The following MAP3K12 variants were observed in gnomAD, a reference collection of about 807,000 sequenced individuals.
MAP3K12 encodes MAPK-upstream kinase.
In MAP3K12, 14 loss-of-function variants were observed where a neutral mutation model predicts 87.5. That is an observed-to-expected ratio of 0.16 (90% CI 0.11 to 0.25). MAP3K12 has a LOEUF of 0.25. Ranked by LOEUF, MAP3K12 falls within the 10% of genes least tolerant of loss-of-function variation. MAP3K12 has a pLI of 1.00. For missense variants in MAP3K12, 802 were observed against 1,140.4 expected, an observed-to-expected ratio of 0.70 and a Z score of 4.27; for synonymous variants, 469 against 452.5, an observed-to-expected ratio of 1.04 and a Z score of -0.46.
At chr12:53,481,608 A>AAAG in intron 13 of MAP3K12, 1 of 332,024 alleles carries the variant, frequency 3.0e-6, no homozygotes, top group Non-Finnish European at 5.6e-6. Flanking sequence ...TCGGCCTCCC[A>AAAG]AAGTTCTGGG....
At position 53,486,415 on chromosome 12, in the gene MAP3K12, C is replaced by T. The variant is rs754231447; in HGVS notation, c.629+24G>A. 4.3e-6 allele frequency: 7 copies of T among 1,612,168 alleles called. No homozygotes were observed. The highest frequency in any genetic ancestry group is 5.9e-6 in the Non-Finnish European group (7 of 1,178,794). ...AGGCCTTAGCATAGTATCCCCAACA[C>T]CCAGCCCCTGCCCTGGACCTCACTT... On this transcript the variant is annotated intron_variant, in intron 3 of 13. Coordinates refer to ENST00000547488, the MANE Select transcript of MAP3K12 (RefSeq NM_001193511.2). This position sits in a 1 kb window ranked among gnomAD's most constrained non-coding sequence, Gnocchi z 4.9.
intron 13 of MAP3K12, chr12:53,481,669 C>G (rs1343771793): frequency 4.7e-6 from 2 of 424,988 alleles, no homozygotes; most frequent in Non-Finnish European, 8.5e-6. Flanking sequence ...TTTATTCCTT[C>G]CAGATTTCAG....
At position 53,479,717 on chromosome 12, in the gene MAP3K12, T is replaced by TA. The variant is rs1942935571; in HGVS notation, c.*1464dup. On this transcript the variant is annotated 3_prime_UTR_variant, in exon 14 of 14. Transcript: ENST00000547488. The stretch of plus-strand genomic sequence containing the variant: ...AATTTTTCTGTTTGTCATGGAAATG[T>TA]AAGAGTGGAATATTAATACATTTCA... 1 of 309,788 alleles carries TA rather than the reference T, an allele frequency of 3.2e-6. No individual in the cohort carries two copies. Among genetic ancestry groups the TA allele is most frequent in the South Asian group, 7.9e-5 (1 of 12,686 alleles). 19.2% of individuals were successfully genotyped at this position (309,788 alleles called of 1,614,324 possible). A position where few individuals can be genotyped will look rare whatever the true frequency, so the allele number is the denominator to read the frequency against.
chr12:53,485,851 C>T (rs1019341667), intron 4 of MAP3K12: 11 of 582,978 alleles, frequency 1.9e-5, no homozygotes, highest in Admixed American at 6.8e-5. Flanking sequence ...CCACTGCATC[C>T]GGCCTGCCTT....
chr12:53,480,436 C>T lies in MAP3K12; in HGVS notation c.*746G>A, dbSNP rs935226368. 6.6e-6 allele frequency: 1 copy of T among 152,522 alleles called. No homozygotes were observed. Among genetic ancestry groups the T allele is most frequent in the African/African-American group, 2.4e-5 (1 of 41,406 alleles). 9.4% of individuals were successfully genotyped at this position (152,522 alleles called of 1,614,324 possible). ...CTCAGATAAAGTCCGGAGCCCAAGGCTTTATCTTAACCATGTATGGTACCC... is the reference window on the plus strand; with the variant it reads ...CTCAGATAAAGTCCGGAGCCCAAGGTTTTATCTTAACCATGTATGGTACCC... On this transcript the variant is annotated 3_prime_UTR_variant, in exon 14 of 14. Transcript: ENST00000547488.
intron 1 of MAP3K12, among the ~76,000 whole-genome samples, chr12:53,494,791 T>G (rs1592723088): frequency 6.6e-6 from 1 of 151,990 alleles, no homozygotes; most frequent in East Asian, 1.9e-4. Context: ...GACTTTGGAG[T>G]CCTAATTCCA....
chr12:53,487,496 C>A, intron 1 of MAP3K12, 68 bp from the exon 2 acceptor site: 1 of 1,470,190 alleles, frequency 6.8e-7, no homozygotes, highest in Non-Finnish European at 9.1e-7. Context: ...GGACACTTAT[C>A]CCAGAGGCAC....
intron 1 of MAP3K12, among the ~76,000 whole-genome samples, chr12:53,490,318 A>C (rs1943364920): frequency 2.0e-5 from 3 of 151,968 alleles, no homozygotes; most frequent in Admixed American, 2.0e-4. Context: ...ACAACAAAAA[A>C]CAGATTGGGC....
chr12:53,483,891 C>T lies in MAP3K12; in HGVS notation c.1358+20G>A. 4.3e-6 allele frequency: 7 copies of T among 1,613,660 alleles called. No individual in the cohort carries two copies. Among genetic ancestry groups the T allele is most frequent in the Non-Finnish European group, 5.1e-6 (6 of 1,179,552 alleles). On this transcript the variant is annotated intron_variant, in intron 8 of 13. Coordinates refer to ENST00000547488, the MANE Select transcript of MAP3K12 (RefSeq NM_001193511.2). ...GTCCTTGCTGTTAGTAAAATCACCT[C>T]CCCAAGCACGGGAACTCACCTGAGC...
chr12:53,498,908 C>CTGTGTGTGTGTGTGTGTGTGTG (rs71068135), intron 1 of MAP3K12, among the ~76,000 whole-genome samples: 1 of 108,438 alleles, frequency 9.2e-6, no homozygotes, highest in African/African-American at 3.8e-5. Flanking sequence ...GTCCAGCCTG[C>CTGTGTGTGTGTGTGTGTGTGTG]TGTGTGTGTG....
chr12:53,484,427 G>A, intron 6 of MAP3K12, 62 bp from the exon 7 acceptor site: 4 of 1,242,904 alleles, frequency 3.2e-6, no homozygotes, highest in South Asian at 1.2e-5. Flanking sequence ...ATAGGAACTG[G>A]AGCATCCTTT....
chr12:53,483,250 C>T, intron 10 of MAP3K12, 61 bp from the exon 11 acceptor site: 1 of 1,558,266 alleles, frequency 6.4e-7, no homozygotes, highest in Non-Finnish European at 8.7e-7. Context: ...AAAGCACTCC[C>T]TAACCTTGGA....
intron 1 of MAP3K12, among the ~76,000 whole-genome samples, chr12:53,498,544 T>C (rs2137243488): frequency 6.6e-6 from 1 of 152,264 alleles, no homozygotes; most frequent in Middle Eastern, 3.4e-3. Context: ...TCCCACTGTC[T>C]ACAGAGCCTT....
At chr12:53,488,183 T>A (rs1156551070) in intron 1 of MAP3K12, among the ~76,000 whole-genome samples, 1 of 152,200 alleles carries the variant, frequency 6.6e-6, no homozygotes, top group Non-Finnish European at 1.5e-5. Flanking sequence ...CCAATGGGGA[T>A]GCAGACACTG....
At position 53,482,736 on chromosome 12, in the gene MAP3K12, A is replaced by G; in HGVS notation, c.2067T>C (p.Asp689=). ...GTTCCCCTTTGGCTCCCCCAGGTGAATCTGGGCTGGTGGAGCCAGGGGCTG... is the reference window on the plus strand; with the variant it reads ...GTTCCCCTTTGGCTCCCCCAGGTGAGTCTGGGCTGGTGGAGCCAGGGGCTG... ...EGSAPGSTSP[D]SPGGAKGEPP... Residue 689 remains aspartate (D), a synonymous_variant, in exon 11 of 14, where the codon GAT becomes GAC. Transcript: ENST00000547488. 1 of 1,613,990 alleles carries G rather than the reference A, an allele frequency of 6.2e-7. No homozygotes were observed. The highest frequency in any genetic ancestry group is 8.5e-7 in the Non-Finnish European group (1 of 1,179,986).
Position 53,482,341 on chromosome 12 carries a change from T to C in MAP3K12, c.2267A>G (p.Glu756Gly), listed in dbSNP as rs1009877460. 1 of 1,613,468 alleles carries C rather than the reference T, an allele frequency of 6.2e-7. No individual in the cohort carries two copies. The highest frequency in any genetic ancestry group is 1.3e-5 in the African/African-American group (1 of 74,762). ...CTCTACTTCACTGTCTACCTCTCCT[T>C]CCTCCTCTTCCGATGAGATGCCACG... is the stretch of plus-strand genomic sequence containing the variant. Reference protein sequence around the residue: ...QKRGISSEEEEGEVDSEVELT... With the variant: ...QKRGISSEEEGGEVDSEVELT... The change falls in exon 12 of 14, where the codon GAA becomes GGA. Residue 756 changes from glutamate (E) to glycine (G), a missense_variant. Coordinates refer to ENST00000547488, the MANE Select transcript of MAP3K12 (RefSeq NM_001193511.2).
At position 53,481,650 on chromosome 12, in the gene MAP3K12, C is replaced by T. The variant is rs535936932; in HGVS notation, c.2580+291G>A. On this transcript the variant is annotated intron_variant, in intron 13 of 13. Coordinates refer to ENST00000547488, the MANE Select transcript of MAP3K12 (RefSeq NM_001193511.2). ...GGCGTGAGTCACCATGCCCAGCCAG[C>T]TTACTGGTTTTATTCCTTCCAGATT... is the stretch of plus-strand genomic sequence containing the variant. 6 of 385,564 alleles carry T rather than the reference C, an allele frequency of 1.6e-5. No individual in the cohort carries two copies. In the Admixed American group the frequency reaches 2.4e-4, roughly 16 times the overall value. 23.9% of individuals were successfully genotyped at this position (385,564 alleles called of 1,614,324 possible).
chr12:53,483,228 A>G (rs550634337), intron 10 of MAP3K12, 39 bp from the exon 11 acceptor site: 1 of 1,535,632 alleles, frequency 6.5e-7, no homozygotes, highest in South Asian at 1.3e-5. Flanking sequence ...AGACTGCCAA[A>G]TCTATGTACT....
intron 8 of MAP3K12, 73 bp from the exon 9 acceptor site, chr12:53,483,796 T>C (rs1349999181): frequency 1.2e-6 from 2 of 1,612,382 alleles, no homozygotes; most frequent in African/African-American, 1.3e-5. Flanking sequence ...AGTCTCAGAA[T>C]TCCTGTCCAC....
Sources: allele counts gnomAD v4.1 joint callset (sites outside exome capture counted in the v4.1 genomes callset), GRCh38; gene constraint gnomAD v4.1.1; non-coding constraint Gnocchi (gnomAD v3.1); transcripts MANE v1.5; gene names NCBI Gene and HGNC (gene_info 2026-07-23, HGNC 2026-07-21).